Variants in HTRA1 observed in about 807,000 individuals in gnomAD.
The protein encoded by HTRA1 is serine protease HTRA1.
Under a neutral mutation model 49.7 loss-of-function variants are expected in HTRA1, and 26 were observed. That is an observed-to-expected ratio of 0.52 (90% CI 0.38 to 0.73). The LOEUF is 0.73. Among genes scored for constraint, HTRA1 ranks in the 30% least tolerant of loss-of-function variants. The pLI, the probability that HTRA1 is intolerant of heterozygous loss-of-function variation, is 0.00. For synonymous variants in HTRA1, 291 were observed against 286.9 expected (o/e 1.01, Z -0.14); for missense variants, 561 against 667.2 (o/e 0.84, Z 1.75).
intron 3 of HTRA1, among the ~76,000 whole-genome samples, chr10:122,498,553 T>TGGAATCCTGAAC (rs2097499669): frequency 6.6e-6 from 1 of 152,210 alleles, no homozygotes; most frequent in Non-Finnish European, 1.5e-5. Context: ...GGAAGCTGAA[T>TGGAATCCTGAAC]GGAACCCTGA....
At chr10:122,511,689 T>G (rs2097505636) in intron 7 of HTRA1, among the ~76,000 whole-genome samples, 1 of 150,568 alleles carries the variant, frequency 6.6e-6, no homozygotes, top group Non-Finnish European at 1.5e-5. Context: ...ACTGAGATCG[T>G]ACCACTGCAC....
intron 1 of HTRA1, among the ~76,000 whole-genome samples, chr10:122,477,047 A>G (rs545128892): frequency 6.7e-6 from 1 of 148,222 alleles, no homozygotes; most frequent in Admixed American, 6.8e-5. Context: ...GGCTCACTGC[A>G]AGCTCCGCCT....
chr10:122,495,808 C>T (rs1181649139), intron 3 of HTRA1, among the ~76,000 whole-genome samples: 1 of 152,148 alleles, frequency 6.6e-6, no homozygotes. Flanking sequence ...ATACAAATTG[C>T]TTCCATTTGA....
At position 122,514,348 on chromosome 10, in the gene HTRA1, A is replaced by G; in HGVS notation, c.1432A>G (p.Ile478Val). ...DIMITVIPEE[I>V]DP ...CATGATCACAGTGATTCCCGAAGAA[A>G]TTGACCCATAGGCAGAGGCATGAGC... The change falls in exon 9 of 9, where the codon ATT becomes GTT. Residue 478 changes from isoleucine to valine, a missense_variant. Around this residue, in one of 3 missense-constraint regions of HTRA1, gnomAD observed 179 missense variants for 173.4 expected, o/e 1.03. Coordinates refer to ENST00000368984, the MANE Select transcript of HTRA1 (RefSeq NM_002775.5). 1 of 1,614,062 alleles carries G rather than the reference A, an allele frequency of 6.2e-7. No individual in the cohort carries two copies. The highest frequency in any genetic ancestry group is 8.5e-7 in the Non-Finnish European group (1 of 1,179,984).
intron 8 of HTRA1, 146 bp from the exon 9 acceptor site, chr10:122,514,045 T>G (rs1005575621): frequency 1.2e-6 from 1 of 825,014 alleles, no homozygotes; most frequent in Non-Finnish European, 2.1e-6. Flanking sequence ...GACCCACTGA[T>G]GGTTTGAATT....
At chr10:122,485,654 A>G (rs2097492781) in intron 1 of HTRA1, among the ~76,000 whole-genome samples, 1 of 152,136 alleles carries the variant, frequency 6.6e-6, no homozygotes, top group South Asian at 2.1e-4. Context: ...CCCTGGAACC[A>G]CTTTATGTGA....
chr10:122,461,775 C>A lies in HTRA1; in HGVS notation c.123C>A (p.Cys41Ter), dbSNP rs928614834. The A allele has an allele frequency of 9.5e-7, 1 of 1,051,714 alleles. No homozygotes were observed. Among genetic ancestry groups the A allele is most frequent in the Non-Finnish European group, 1.1e-6 (1 of 874,468 alleles). The allele number at this position is 1,051,714 out of a possible 1,614,324, so 65.1% of individuals were successfully genotyped here. The change falls in exon 1 of 9, where the codon TGC (cysteine) becomes TGA (stop). Residue 41 changes from cysteine (C) to a stop codon, truncating the protein, a stop_gained. Coordinates refer to ENST00000368984, the MANE Select transcript of HTRA1 (RefSeq NM_002775.5). LOFTEE classifies it high-confidence loss of function. ...APLAAGCPDR[C>*]EPARCPPQPE... ...TGGCCGCCGGGTGCCCAGACCGCTG[C>A]GAGCCGGCGCGCTGCCCGCCGCAGC...
chr10:122,477,751 G>A (rs948842711), intron 1 of HTRA1, among the ~76,000 whole-genome samples: 2 of 152,150 alleles, frequency 1.3e-5, no homozygotes, highest in East Asian at 3.9e-4. Flanking sequence ...TCTCCTGCAC[G>A]GTTACTTCTC....
intron 1 of HTRA1, among the ~76,000 whole-genome samples, chr10:122,476,965 T>C (rs1231693274): frequency 2.2e-4 from 10 of 44,678 alleles, no homozygotes; most frequent in Non-Finnish European, 4.5e-4. Context: ...TTATAGTTAC[T>C]TTTTTTTTTT....
At chr10:122,497,165 A>C (rs890594577) in intron 3 of HTRA1, among the ~76,000 whole-genome samples, 1 of 152,200 alleles carries the variant, frequency 6.6e-6, no homozygotes, top group African/African-American at 2.4e-5. Flanking sequence ...GGTTAAACAA[A>C]GCACCAGAAT....
chr10:122,480,536 G>T (rs563980224), intron 1 of HTRA1, among the ~76,000 whole-genome samples: 1 of 152,200 alleles, frequency 6.6e-6, no homozygotes, highest in Admixed American at 6.5e-5. Flanking sequence ...CTAAAGTGAA[G>T]CCCCCATGCT....
chr10:122,462,234 C>T (rs2097481790), intron 1 of HTRA1, 110 bp downstream of exon 1: 2 of 957,116 alleles, frequency 2.1e-6, no homozygotes, highest in Admixed American at 4.3e-5. Flanking sequence ...GTGGGGTGGC[C>T]AGGGCAACTC....
intron 8 of HTRA1, among the ~76,000 whole-genome samples, chr10:122,513,494 A>C (rs1490001731): frequency 2.6e-5 from 4 of 151,974 alleles, no homozygotes; most frequent in Non-Finnish European, 5.9e-5. Flanking sequence ...TGGATGATTT[A>C]GCCTAAAAAT....
intron 1 of HTRA1, among the ~76,000 whole-genome samples, chr10:122,465,630 A>G (rs1442872808): frequency 1.3e-5 from 2 of 152,196 alleles, no homozygotes; most frequent in African/African-American, 4.8e-5. Context: ...TGGCTTAGAG[A>G]TGGAACAGGA....
rs533113868 is a variant in HTRA1, at chr10:122,494,766, G to A, written c.777+5140G>A. On this transcript the variant is annotated intron_variant, in intron 3 of 8. Transcript: ENST00000368984. The surrounding 1 kb of genome is among the most constrained non-coding windows in gnomAD (Gnocchi z 4.0). ...TGTGTTTGCAGAGGGTCCTCTTACT[G>A]CTGAGCTGGCTGGTGCAGTGAGAAG... Among the ~76,000 whole-genome samples the A allele has an allele frequency of 1.3e-5, 2 of 152,260 alleles. No individual in the cohort carries two copies. Among genetic ancestry groups the A allele is most frequent in the South Asian group, 2.1e-4 (1 of 4,822 alleles).
chr10:122,508,715 C>A lies in HTRA1; in HGVS notation c.1065C>A (p.Ile355=). The change falls in exon 6 of 9, where the codon ATC becomes ATA. Residue 355 remains isoleucine (I), a synonymous_variant. Coordinates refer to ENST00000368984, the MANE Select transcript of HTRA1 (RefSeq NM_002775.5). ...TGACAGCTGGAATCTCCTTTGCAAT[C>A]CCATCTGATAAGATTAAAAAGTTCC... ...LKVTAGISFA[I]PSDKIKKFLT... is the part of the protein sequence containing the mutation. The A allele has an allele frequency of 6.2e-7, 1 of 1,614,004 alleles. No homozygotes were observed. The highest frequency in any genetic ancestry group is 8.5e-7 in the Non-Finnish European group (1 of 1,179,856).
At position 122,506,987 on chromosome 10, in the gene HTRA1, G is replaced by C. The variant is rs192154495; in HGVS notation, c.972+102G>C. 3,748 of 1,034,052 alleles carry C rather than the reference G, an allele frequency of 3.6e-3. 45 individuals are homozygous for C. Among genetic ancestry groups the C allele is most frequent in the South Asian group, 0.025 (1,861 of 74,250 alleles). The allele number at this position is 1,034,052 out of a possible 1,614,324, so 64.1% of individuals were successfully genotyped here. ...CCCCTGACTTTGTTGTAGTCTGCGT[G>C]AAGGGATGGAACTAGACCAAGCCAT... is the stretch of plus-strand genomic sequence containing the variant. On this transcript the variant is annotated intron_variant, in intron 4 of 8. Transcript: ENST00000368984. The surrounding 1 kb of genome is among the most constrained non-coding windows in gnomAD (Gnocchi z 5.2).
intron 3 of HTRA1, among the ~76,000 whole-genome samples, chr10:122,496,227 TC>T (rs1172883767): frequency 0.051 from 2,712 of 53,476 alleles, 763 homozygotes; most frequent in South Asian, 0.11. Context: ...GATTGTGGGT[TC>T]TTTTTTTTTT....
At chr10:122,503,223 G>T (rs1049433275) in intron 3 of HTRA1, among the ~76,000 whole-genome samples, 1 of 152,244 alleles carries the variant, frequency 6.6e-6, no homozygotes, top group Admixed American at 6.5e-5. Flanking sequence ...TGCACTTCCA[G>T]CCATATCTGT....
Sources: allele counts gnomAD v4.1 joint callset (sites outside exome capture counted in the v4.1 genomes callset), GRCh38; gene constraint gnomAD v4.1.1; regional missense constraint gnomAD v4.1.1; non-coding constraint Gnocchi (gnomAD v3.1); transcripts MANE v1.5; gene names NCBI Gene and HGNC (gene_info 2026-07-23, HGNC 2026-07-21).